Variants in HHIP observed in about 807,000 individuals in gnomAD.
HHIP encodes hedgehog-interacting protein.
A neutral mutation model predicts 74.0 loss-of-function variants in HHIP; 12 were observed. The observed-to-expected ratio is 0.16, with a 90% CI of 0.10 to 0.26. The LOEUF is 0.26. Among genes scored for constraint, HHIP ranks in the 10% least tolerant of loss-of-function variants. HHIP has a pLI of 1.00. For missense variants in HHIP, 788 were observed against 845.0 expected, an observed-to-expected ratio of 0.93 and a Z score of 0.84; for synonymous variants, 309 against 311.6, an observed-to-expected ratio of 0.99 and a Z score of 0.09.
intron 4 of HHIP, among the ~76,000 whole-genome samples, chr4:144,706,115 C>A (rs1414078576): frequency 2.0e-5 from 3 of 152,178 alleles, no homozygotes; most frequent in Non-Finnish European, 4.4e-5. Flanking sequence ...TGGCAGCCCA[C>A]ACTGTGTTTT....
chr4:144,742,659 T>A lies in HHIP; in HGVS notation c.*4702T>A, dbSNP rs1731285884. On this transcript the variant is annotated 3_prime_UTR_variant, in exon 13 of 13. Coordinates refer to ENST00000296575, the MANE Select transcript of HHIP (RefSeq NM_022475.3). ...AGTCCCATGGCAGAAAATGTACATA[T>A]TTTTAAACTACTCCCAGGAAGTAAA... is the stretch of plus-strand genomic sequence containing the variant. The A allele has an allele frequency of 6.6e-6, 1 of 151,594 alleles. No individual in the cohort carries two copies. The highest frequency in any genetic ancestry group is 6.6e-5 in the Admixed American group (1 of 15,158). 9.4% of individuals were successfully genotyped at this position (151,594 alleles called of 1,614,324 possible). A position where few individuals can be genotyped will look rare whatever the true frequency, so the allele number is the denominator to read the frequency against.
intron 11 of HHIP, among the ~76,000 whole-genome samples, chr4:144,719,622 T>A (rs1037130554): frequency 6.6e-6 from 1 of 152,224 alleles, no homozygotes; most frequent in Admixed American, 6.6e-5. Context: ...AATAGTCAGT[T>A]GTTAATTTCA....
chr4:144,703,154 C>T (rs1020657519), intron 4 of HHIP, among the ~76,000 whole-genome samples: 6 of 150,978 alleles, frequency 4.0e-5, no homozygotes, highest in African/African-American at 1.5e-4. Flanking sequence ...ACGGAGATTG[C>T]AGTGAGCCGA....
chr4:144,650,253 C>T (rs1018389906), intron 1 of HHIP, among the ~76,000 whole-genome samples: 4 of 152,012 alleles, frequency 2.6e-5, no homozygotes, highest in South Asian at 2.1e-4. Context: ...ATTTTATTTT[C>T]GTGTGGCTAA....
At chr4:144,656,153 A>T (rs910079294) in intron 2 of HHIP, among the ~76,000 whole-genome samples, 2 of 152,218 alleles carry the variant, frequency 1.3e-5, no homozygotes, top group Non-Finnish European at 2.9e-5. Flanking sequence ...GAATCGGGTC[A>T]TTTAAGGTAA....
intron 4 of HHIP, among the ~76,000 whole-genome samples, chr4:144,677,664 G>T (rs1336405902): frequency 6.6e-6 from 1 of 152,134 alleles, no homozygotes; most frequent in African/African-American, 2.4e-5. Context: ...GACATTCACG[G>T]CTTACAGAAC....
chr4:144,658,746 A>G (rs753888010), intron 2 of HHIP, 44 bp from the exon 3 acceptor site: 1 of 1,505,324 alleles, frequency 6.6e-7, no homozygotes, highest in South Asian at 1.3e-5. Flanking sequence ...TGGTTTTACT[A>G]TGACATTAGG....
In HHIP at chr4:144,741,367, T is replaced by G. The variant is rs962402842; in HGVS notation, c.*3410T>G. ...AACAATTTTAATCCATTTGCTGTTT[T>G]TTTTTTTTTTTTGGTTTCTTTTTTT... On this transcript the variant is annotated 3_prime_UTR_variant, in exon 13 of 13. Coordinates refer to ENST00000296575, the MANE Select transcript of HHIP (RefSeq NM_022475.3). 2.0e-5 allele frequency: 3 copies of G among 151,170 alleles called. No homozygotes were observed. Among genetic ancestry groups the G allele is most frequent in the African/African-American group, 7.3e-5 (3 of 41,260 alleles). The allele number at this position is 151,170 out of a possible 1,614,324, so 9.4% of individuals were successfully genotyped here.
intron 4 of HHIP, among the ~76,000 whole-genome samples, chr4:144,691,530 T>C (rs1729668112): frequency 6.6e-6 from 1 of 152,210 alleles, no homozygotes; most frequent in South Asian, 2.1e-4. Context: ...ATTCTTGAAA[T>C]ATCTATGTAG....
At chr4:144,702,263 G>A (rs1357871597) in intron 4 of HHIP, among the ~76,000 whole-genome samples, 2 of 152,156 alleles carry the variant, frequency 1.3e-5, no homozygotes, top group East Asian at 3.8e-4. Flanking sequence ...TAATTGGTTA[G>A]AACTTGGATC....
At chr4:144,711,858 C>A in intron 7 of HHIP, 92 bp from the exon 8 acceptor site, 1 of 1,291,372 alleles carries the variant, frequency 7.7e-7, no homozygotes, top group Non-Finnish European at 1.1e-6. Context: ...CTTGCCAGTC[C>A]ACAAAGGGCT....
At chr4:144,649,088 T>A (rs1222628714) in intron 1 of HHIP, among the ~76,000 whole-genome samples, 2 of 152,222 alleles carry the variant, frequency 1.3e-5, no homozygotes, top group Non-Finnish European at 2.9e-5. Flanking sequence ...TAATAGTTTT[T>A]AAAACATGTT....
chr4:144,646,631 C>G lies in HHIP; in HGVS notation c.-45C>G, dbSNP rs751659369. On this transcript the variant is annotated 5_prime_UTR_variant, in exon 1 of 13. Transcript: ENST00000296575. ...AGTGCCCCTGCTGGGCAGTGGCGTT[C>G]CCCCCCATCCTCCCGCGCCCAGCCC... is the stretch of plus-strand genomic sequence containing the variant. The G allele has an allele frequency of 6.4e-7, 1 of 1,574,634 alleles. No homozygotes were observed. The highest frequency in any genetic ancestry group is 8.7e-7 in the Non-Finnish European group (1 of 1,155,596).
At chr4:144,731,455 T>C (rs1189154404) in intron 11 of HHIP, among the ~76,000 whole-genome samples, 1 of 152,204 alleles carries the variant, frequency 6.6e-6, no homozygotes, top group Non-Finnish European at 1.5e-5. Context: ...GTTTCACTCT[T>C]GTTGCCCAGG....
chr4:144,648,271 A>G (rs1201458551), intron 1 of HHIP: 1 of 152,210 alleles, frequency 6.6e-6, no homozygotes, highest in Non-Finnish European at 1.5e-5. Context: ...TAACAACAAC[A>G]CCATTGTATT....
intron 1 of HHIP, among the ~76,000 whole-genome samples, chr4:144,650,145 G>T (rs1038195704): frequency 8.5e-5 from 13 of 152,078 alleles, no homozygotes; most frequent in Non-Finnish European, 8.8e-5. Flanking sequence ...GAGAAATACA[G>T]AAGGTCTCTG....
intron 4 of HHIP, among the ~76,000 whole-genome samples, chr4:144,683,509 A>T (rs1305748697): frequency 6.6e-6 from 1 of 152,232 alleles, no homozygotes; most frequent in Non-Finnish European, 1.5e-5. Flanking sequence ...CAAATAATGT[A>T]AATTTAATTG....
chr4:144,714,137 A>T, intron 8 of HHIP, 88 bp from the exon 9 acceptor site: 1 of 1,177,372 alleles, frequency 8.5e-7, no homozygotes, highest in Non-Finnish European at 1.2e-6. Context: ...TTCAGAGTTA[A>T]ATTACTATAG....
At chr4:144,715,755 T>C (rs1730430377) in intron 10 of HHIP, 1 of 164,916 alleles carries the variant, frequency 6.1e-6, no homozygotes, top group Non-Finnish European at 1.3e-5. Context: ...TACATCTGAG[T>C]AGTTTGTGTA....
Sources: allele counts gnomAD v4.1 joint callset (sites outside exome capture counted in the v4.1 genomes callset), GRCh38; gene constraint gnomAD v4.1.1; transcripts MANE v1.5; gene names NCBI Gene and HGNC (gene_info 2026-07-23, HGNC 2026-07-21).